PCED1B: variants seen among roughly 807,000 people sequenced by gnomAD.
PCED1B encodes PC-esterase domain-containing protein 1B.
For missense variants in PCED1B, 573 were observed against 573.9 expected (o/e 1.00, Z 0.02); for synonymous variants, 251 against 246.1 (o/e 1.02, Z -0.19).
At chr12:47,081,760 G>A (rs1937737023) in intron 1 of PCED1B, among the ~76,000 whole-genome samples, 1 of 152,096 alleles carries the variant, frequency 6.6e-6, no homozygotes, top group Admixed American at 6.6e-5. Flanking sequence ...GGTTTTTGCA[G>A]GATTTTACTA....
intron 2 of PCED1B, among the ~76,000 whole-genome samples, chr12:47,110,640 C>T (rs1938541721): frequency 6.6e-6 from 1 of 152,200 alleles, no homozygotes; most frequent in Non-Finnish European, 1.5e-5. Flanking sequence ...GAAGCAGCCT[C>T]ATCTTGAATT....
intron 2 of PCED1B, among the ~76,000 whole-genome samples, chr12:47,150,703 G>A (rs1043273776): frequency 1.3e-5 from 2 of 152,060 alleles, no homozygotes; most frequent in Non-Finnish European, 2.9e-5. Context: ...AAGTACAAAG[G>A]CACTGAGGTA....
chr12:47,090,982 A>C (rs1938240836), intron 1 of PCED1B, among the ~76,000 whole-genome samples: 1 of 152,234 alleles, frequency 6.6e-6, no homozygotes, highest in East Asian at 1.9e-4. Flanking sequence ...TGCCATGAAC[A>C]TTCTGTTCCC....
intron 2 of PCED1B, among the ~76,000 whole-genome samples, chr12:47,152,248 T>C (rs1194905752): frequency 1.3e-5 from 2 of 152,172 alleles, no homozygotes; most frequent in Non-Finnish European, 2.9e-5. Context: ...AAATCATAAA[T>C]TCCAGGTGGA....
chr12:47,220,068 C>CAAAAAAA (rs763940625), intron 3 of PCED1B, among the ~76,000 whole-genome samples: 10 of 103,730 alleles, frequency 9.6e-5, no homozygotes, highest in East Asian at 2.8e-4. Flanking sequence ...GACACTGCCT[C>CAAAAAAA]AAAAAAAAAA....
chr12:47,236,057 C>CT lies in PCED1B; in HGVS notation c.994_995insT (p.Arg332LeufsTer67). ...CATTCTCCATCACCAGGGAATGCCC[C>CT]GGTTCCCACAGGGTCCCCCAGATGC... On this transcript the variant is annotated frameshift_variant, in exon 4 of 4. Transcript: ENST00000546455. LOFTEE classifies it low-confidence loss of function (END_TRUNC). The CT allele has an allele frequency of 6.2e-7, 1 of 1,614,052 alleles. No homozygotes were observed. The highest frequency in any genetic ancestry group is 8.5e-7 in the Non-Finnish European group (1 of 1,180,002).
At chr12:47,189,152 TTG>T (rs767687012) in intron 2 of PCED1B, among the ~76,000 whole-genome samples, 8 of 152,202 alleles carry the variant, frequency 5.3e-5, no homozygotes, top group Non-Finnish European at 8.8e-5. Flanking sequence ...GCTTGTTTCA[TTG>T]GTTCTTAGCC....
At chr12:47,127,368 TC>T (rs1939930653) in intron 2 of PCED1B, among the ~76,000 whole-genome samples, 1 of 136,046 alleles carries the variant, frequency 7.4e-6, no homozygotes, top group African/African-American at 2.9e-5. Flanking sequence ...GTTTTTTATT[TC>T]TTTTTTTTTT....
intron 2 of PCED1B, among the ~76,000 whole-genome samples, chr12:47,145,020 A>C (rs1459760252): frequency 6.6e-6 from 1 of 152,192 alleles, no homozygotes; most frequent in East Asian, 1.9e-4. Context: ...TCTTGTGCCA[A>C]ATAGTTAACC....
intron 3 of PCED1B, among the ~76,000 whole-genome samples, chr12:47,224,801 C>T (rs577775606): frequency 6.6e-6 from 1 of 152,080 alleles, no homozygotes; most frequent in South Asian, 2.1e-4. Flanking sequence ...AGACGCAGGG[C>T]TCTCTAAATT....
intron 2 of PCED1B, among the ~76,000 whole-genome samples, chr12:47,152,117 T>C (rs1941016220): frequency 6.6e-6 from 1 of 152,204 alleles, no homozygotes; most frequent in African/African-American, 2.4e-5. Flanking sequence ...TAATAACTGT[T>C]ATAGGCTAGC....
intron 2 of PCED1B, among the ~76,000 whole-genome samples, chr12:47,196,556 C>T (rs1007164098): frequency 1.3e-5 from 2 of 152,148 alleles, no homozygotes; most frequent in Non-Finnish European, 2.9e-5. Flanking sequence ...GGCTGGGCAC[C>T]GTGGCTCACG....
intron 2 of PCED1B, among the ~76,000 whole-genome samples, chr12:47,143,764 G>A (rs1248651551): frequency 6.6e-6 from 1 of 151,732 alleles, no homozygotes; most frequent in Non-Finnish European, 1.5e-5. Flanking sequence ...ACCCTGAATA[G>A]TTAAAACAAT....
intron 2 of PCED1B, among the ~76,000 whole-genome samples, chr12:47,187,112 CT>C (rs1942295474): frequency 6.6e-6 from 1 of 152,132 alleles, no homozygotes; most frequent in Non-Finnish European, 1.5e-5. Context: ...GCTCTGTGGA[CT>C]TTAGAAATGC....
chr12:47,084,565 A>G (rs1214529159), intron 1 of PCED1B, among the ~76,000 whole-genome samples: 1 of 152,178 alleles, frequency 6.6e-6, no homozygotes, highest in Non-Finnish European at 1.5e-5. Flanking sequence ...ATCATTCAAT[A>G]TGTGTTTTTT....
intron 2 of PCED1B, among the ~76,000 whole-genome samples, chr12:47,125,348 T>C (rs558515173): frequency 5.9e-5 from 9 of 151,984 alleles, no homozygotes; most frequent in Non-Finnish European, 1.3e-4. Flanking sequence ...GACTTTCTGG[T>C]CTTGCTATTC....
At chr12:47,095,071 A>G (rs797022681) in intron 1 of PCED1B, among the ~76,000 whole-genome samples, 34 of 113,812 alleles carry the variant, frequency 3.0e-4, no homozygotes, top group African/African-American at 1.1e-3. Flanking sequence ...TGTGCCCACA[A>G]TTTTTTTTTT....
intron 2 of PCED1B, among the ~76,000 whole-genome samples, chr12:47,151,259 G>A (rs890260719): frequency 5.9e-5 from 9 of 151,956 alleles, no homozygotes; most frequent in Non-Finnish European, 1.2e-4. Flanking sequence ...GTATTTTACT[G>A]TACCTTTTCT....
chr12:47,177,593 T>A (rs1378050857), intron 2 of PCED1B, among the ~76,000 whole-genome samples: 2 of 152,132 alleles, frequency 1.3e-5, no homozygotes, highest in African/African-American at 4.8e-5. Context: ...TACTGATGCC[T>A]TAGTCCAGCC....
Sources: gnomAD v4.1 joint callset for allele counts (sites outside exome capture counted in the v4.1 genomes callset) on GRCh38, gnomAD v4.1.1 for gene constraint, MANE v1.5 for transcripts, NCBI Gene and HGNC (gene_info 2026-07-23, HGNC 2026-07-21) for gene names.